The following PPFIA4 variants were observed in gnomAD, a reference collection of about 807,000 sequenced individuals.
PPFIA4 encodes the protein PPFI scaffold protein A4, also known as liprin-alpha-4.
PPFIA4 carries 98 observed loss-of-function variants against 145.7 expected under a neutral mutation model. The observed-to-expected ratio is 0.67, with a 90% CI of 0.57 to 0.80. The LOEUF (loss-of-function observed/expected upper bound fraction) is 0.80. PPFIA4 is among the 30% of genes least tolerant of loss of function. The pLI, the probability that PPFIA4 is intolerant of heterozygous loss-of-function variation, is 0.00. For missense variants in PPFIA4, 1,457 were observed against 1,632.7 expected (o/e 0.89, Z 1.85); for synonymous variants, 628 against 649.6 (o/e 0.97, Z 0.51).
At chr1:203,054,131 G>A (rs372354416) in intron 15 of PPFIA4, 170 bp downstream of exon 15, 35 of 788,480 alleles carry the variant, frequency 4.4e-5, no homozygotes, top group East Asian at 3.5e-4. Context: ...GGAGTGAGAG[G>A]AGCAGGGCCT....
chr1:203,045,561 T>A lies in PPFIA4; in HGVS notation c.858+2T>A, dbSNP rs765245546. 7 of 1,579,064 alleles carry A rather than the reference T, an allele frequency of 4.4e-6. No homozygotes were observed. Among genetic ancestry groups the A allele is most frequent in the Non-Finnish European group, 6.0e-6 (7 of 1,163,742 alleles). The stretch of plus-strand genomic sequence containing the variant: ...AAGCATCAGCGGGACCTCCGGGAGG[T>A]GCGTGAGGGCGCAGGCCTGCTCTGT... On this transcript the variant is annotated splice_donor_variant, in intron 7 of 29. Transcript: ENST00000295706. LOFTEE classifies it high-confidence loss of function.
intron 14 of PPFIA4, 130 bp downstream of exon 14, chr1:203,052,007 G>C: frequency 9.9e-7 from 1 of 1,012,442 alleles, no homozygotes; most frequent in Non-Finnish European, 1.4e-6. Flanking sequence ...GACAGCTGCA[G>C]CCCTGGGGTT....
intron 13 of PPFIA4, among the ~76,000 whole-genome samples, chr1:203,050,318 A>C (rs1660413328): frequency 6.6e-6 from 1 of 152,154 alleles, no homozygotes; most frequent in Non-Finnish European, 1.5e-5. Flanking sequence ...CTAATGCTTG[A>C]ATTAGGCCCA....
In PPFIA4 at chr1:203,059,195, G is replaced by A. The variant is rs748508047; in HGVS notation, c.2425G>A (p.Glu809Lys). ...ATGHVLLTDS[E>K]FSMQEPMVPA... ...CCTTGTAGTTCTGCTAACAGACTCC[G>A]AATTCAGTATGCAGGAGCCTATGGT... Residue 809 changes from glutamate (E) to lysine (K), a missense_variant, in exon 20 of 30, where the codon GAA becomes AAA. By Grantham distance (56) the Glu-to-Lys change is moderately conservative. This residue lies in a region of PPFIA4 where 848 missense variants were observed against 1,046.7 expected (regional missense o/e 0.81). Transcript: ENST00000295706. The A allele has an allele frequency of 7.6e-5, 117 of 1,537,372 alleles. 2 individuals carry two copies. In the South Asian group the frequency reaches 9.5e-4, roughly 12 times the overall value.
At chr1:203,032,425 G>A (rs1477510104) in intron 1 of PPFIA4, among the ~76,000 whole-genome samples, 4 of 38,252 alleles carry the variant, frequency 1.0e-4, no homozygotes, top group East Asian at 8.1e-4. Context: ...TCCCTTCCCC[G>A]CTTTTTTGTT....
chr1:203,031,784 T>A (rs1220681595), intron 1 of PPFIA4, among the ~76,000 whole-genome samples: 3 of 152,356 alleles, frequency 2.0e-5, no homozygotes, highest in Non-Finnish European at 4.4e-5. Flanking sequence ...CTGCAAACAT[T>A]ATTTGAGGAC....
At position 203,048,883 on chromosome 1, in the gene PPFIA4, A is replaced by G. The variant is rs1358634212; in HGVS notation, c.1357-35A>G. On this transcript the variant is annotated intron_variant, in intron 11 of 29. Transcript: ENST00000295706. This position sits in a 1 kb window ranked among gnomAD's most constrained non-coding sequence, Gnocchi z 5.8. ...GGCTCAGGTCTGGAATGGGAGAGGA[A>G]GGCAGGGGCCTGGCTCACAGCTGCT... 5 of 1,546,036 alleles carry G rather than the reference A, an allele frequency of 3.2e-6. No homozygotes were observed. The highest frequency in any genetic ancestry group is 1.4e-5 in the African/African-American group (1 of 72,888).
chr1:203,075,639 C>T lies in PPFIA4; in HGVS notation c.3456C>T (p.His1152=), dbSNP rs558653480. ...SWRKRFRPRE[H]HGRGGMLSAS... is the part of the protein sequence containing the mutation. ...GGAAGCGCTTCCGGCCGCGGGAGCA[C>T]CACGGTCGCGGCGGCATGCTCAGCG... Residue 1152 remains histidine (H), a synonymous_variant, in exon 29 of 30, where the codon CAC becomes CAT. Coordinates refer to ENST00000295706, the MANE Select transcript of PPFIA4 (RefSeq NM_001304331.2). This position sits in a 1 kb window ranked among gnomAD's most constrained non-coding sequence, Gnocchi z 4.1. 3 of 1,499,918 alleles carry T rather than the reference C, an allele frequency of 2.0e-6. No homozygotes were observed. The highest frequency in any genetic ancestry group is 2.3e-5 in the Admixed American group (1 of 44,260). 92.9% of individuals were successfully genotyped at this position (1,499,918 alleles called of 1,614,324 possible).
Position 203,052,700 on chromosome 1 carries a change from T to A in PPFIA4, c.1620+823T>A, listed in dbSNP as rs139802926. On this transcript the variant is annotated intron_variant, in intron 14 of 29. Transcript: ENST00000295706. The stretch of plus-strand genomic sequence containing the variant: ...CTGAAGGGGAGCTAGGGGGCTTGGG[T>A]CATAGAGGATGGGTGTTAGAGTACC... Among the ~76,000 whole-genome samples the A allele has an allele frequency of 2.7e-3, 413 of 152,252 alleles. 1 individual carries two copies. Among genetic ancestry groups the A allele is most frequent in the African/African-American group, 9.1e-3 (380 of 41,540 alleles).
Position 203,075,522 on chromosome 1 carries a change from T to G in PPFIA4, c.3394-55T>G. 5 of 1,328,636 alleles carry G rather than the reference T, an allele frequency of 3.8e-6. No individual in the cohort carries two copies. Among genetic ancestry groups the G allele is most frequent in the Non-Finnish European group, 4.9e-6 (5 of 1,028,752 alleles). 82.3% of individuals were successfully genotyped at this position (1,328,636 alleles called of 1,614,324 possible). On this transcript the variant is annotated intron_variant, in intron 28 of 29. Coordinates refer to ENST00000295706, the MANE Select transcript of PPFIA4 (RefSeq NM_001304331.2). This position sits in a 1 kb window ranked among gnomAD's most constrained non-coding sequence, Gnocchi z 4.1. ...CGACTGGCCCCCTCCAGGCAGGGCG[T>G]GAGGATGGCAATTCCAACAGGGCCC...
chr1:203,064,046 C>T, intron 25 of PPFIA4, 43 bp downstream of exon 25: 3 of 1,585,084 alleles, frequency 1.9e-6, no homozygotes, highest in Non-Finnish European at 2.6e-6. Context: ...TCGTGGGGGC[C>T]TCCCCTAGCT....
chr1:203,034,510 C>T (rs1206627525), intron 1 of PPFIA4: 3 of 456,504 alleles, frequency 6.6e-6, no homozygotes, highest in Non-Finnish European at 1.3e-5. Context: ...AGGACGAGGG[C>T]TCCGAAGAGT....
Position 203,076,506 on chromosome 1 carries a change from G to T in PPFIA4, c.*116G>T, listed in dbSNP as rs1662561653. 5 of 1,074,584 alleles carry T rather than the reference G, an allele frequency of 4.7e-6. No homozygotes were observed. The highest frequency in any genetic ancestry group is 7.0e-6 in the Non-Finnish European group (5 of 714,546). The allele number at this position is 1,074,584 out of a possible 1,614,324, so 66.6% of individuals were successfully genotyped here. On this transcript the variant is annotated 3_prime_UTR_variant, in exon 30 of 30. Transcript: ENST00000295706. Reference sequence around the variant, plus strand: ...TCCTAGTCTCGTCCGTGACTTTCCGGTTGCCCTGGATCTCAGAATATATTC... The same window carrying T: ...TCCTAGTCTCGTCCGTGACTTTCCGTTTGCCCTGGATCTCAGAATATATTC...
chr1:203,048,522 C>A lies in PPFIA4; in HGVS notation c.1225-61C>A. The A allele has an allele frequency of 6.4e-7, 1 of 1,550,640 alleles. No individual in the cohort carries two copies. Among genetic ancestry groups the A allele is most frequent in the Non-Finnish European group, 8.7e-7 (1 of 1,147,210 alleles). Reference sequence around the variant, plus strand: ...GAGGACAGGGGAGGGAGTCAAACCCCAGCAGGAGAGGGTGGTCCTCCCTGG... The same window carrying A: ...GAGGACAGGGGAGGGAGTCAAACCCAAGCAGGAGAGGGTGGTCCTCCCTGG... On this transcript the variant is annotated intron_variant, in intron 10 of 29. Coordinates refer to ENST00000295706, the MANE Select transcript of PPFIA4 (RefSeq NM_001304331.2). This position sits in a 1 kb window ranked among gnomAD's most constrained non-coding sequence, Gnocchi z 5.8.
intron 1 of PPFIA4, chr1:203,035,622 C>T (rs773567767): frequency 1.3e-5 from 6 of 456,686 alleles, no homozygotes; most frequent in South Asian, 4.6e-5. Flanking sequence ...TGGCAGCTTT[C>T]GCCTCTGAAT....
At chr1:203,072,679 A>G (rs977995443) in intron 28 of PPFIA4, among the ~76,000 whole-genome samples, 5 of 151,998 alleles carry the variant, frequency 3.3e-5, no homozygotes, top group African/African-American at 4.8e-5. Context: ...CAGTCCAATC[A>G]CTGTTTCTTA....
chr1:203,031,014 T>G (rs751412171), intron 1 of PPFIA4, among the ~76,000 whole-genome samples: 1 of 152,246 alleles, frequency 6.6e-6, no homozygotes, highest in Non-Finnish European at 1.5e-5. Context: ...GCCATTCTTA[T>G]GACCATACCT....
chr1:203,040,359 C>T (rs918682634), intron 2 of PPFIA4, among the ~76,000 whole-genome samples: 1 of 152,230 alleles, frequency 6.6e-6, no homozygotes, highest in Non-Finnish European at 1.5e-5. Flanking sequence ...AGCCGAAGAG[C>T]TCAAGCCTCA....
chr1:203,043,863 C>T lies in PPFIA4; in HGVS notation c.337-68C>T, dbSNP rs973417838. On this transcript the variant is annotated intron_variant, in intron 3 of 29. Transcript: ENST00000295706. The surrounding 1 kb of genome is among the most constrained non-coding windows in gnomAD (Gnocchi z 4.4). ...ATGTCTGCTCGGGGATCACATGGACCCTGCTTGTAGCCCCTGGGGCACATG... is the reference window on the plus strand; with the variant it reads ...ATGTCTGCTCGGGGATCACATGGACTCTGCTTGTAGCCCCTGGGGCACATG... 6 of 1,467,644 alleles carry T rather than the reference C, an allele frequency of 4.1e-6. No homozygotes were observed. Among genetic ancestry groups the T allele is most frequent in the Non-Finnish European group, 9.2e-7 (1 of 1,091,118 alleles). 90.9% of individuals were successfully genotyped at this position (1,467,644 alleles called of 1,614,324 possible). A position where few individuals can be genotyped will look rare whatever the true frequency, so the allele number is the denominator to read the frequency against.
Sources: gnomAD v4.1 joint callset for allele counts (sites outside exome capture counted in the v4.1 genomes callset) on GRCh38, gnomAD v4.1.1 for gene constraint, gnomAD v4.1.1 regional missense constraint, Gnocchi (gnomAD v3.1) non-coding constraint, MANE v1.5 for transcripts, NCBI Gene and HGNC (gene_info 2026-07-23, HGNC 2026-07-21) for gene names.